The following CEP57L1 variants were observed in gnomAD, a reference collection of about 807,000 sequenced individuals.
The protein encoded by CEP57L1 is centrosomal protein CEP57L1.
Under a neutral mutation model 61.0 loss-of-function variants are expected in CEP57L1, and 37 were observed. That is an observed-to-expected ratio of 0.61 (90% CI 0.47 to 0.80). CEP57L1 has a LOEUF of 0.80. Ranked by LOEUF, CEP57L1 falls within the 30% of genes least tolerant of loss-of-function variation. The pLI is 0.00. For missense variants in CEP57L1, 422 were observed against 524.7 expected (o/e 0.80, Z 1.91); for synonymous variants, 137 against 162.3 (o/e 0.84, Z 1.19).
chr6:109,167,008 GA>G lies in CEP57L1; in HGVS notation c.*4039del, dbSNP rs1180882087. Among the ~76,000 whole-genome samples the G allele has an allele frequency of 6.6e-6, 1 of 152,176 alleles. No individual in the cohort carries two copies. Among genetic ancestry groups the G allele is most frequent in the Non-Finnish European group, 1.5e-5 (1 of 68,038 alleles). ...CACTAAGGCATAATAGCAACTGTGA[GA>G]TTTTTAAAAAACTATGCGTGCCATT... is the stretch of plus-strand genomic sequence containing the variant. On this transcript the variant is annotated 3_prime_UTR_variant, in exon 11 of 11. Transcript: ENST00000517392.
At chr6:109,151,539 A>G (rs1439829848) in intron 4 of CEP57L1, among the ~76,000 whole-genome samples, 1 of 152,120 alleles carries the variant, frequency 6.6e-6, no homozygotes, top group Non-Finnish European at 1.5e-5. Context: ...AACCCACAAT[A>G]CATTATTATT....
In CEP57L1 at chr6:109,146,743, A is replaced by AT; in HGVS notation, c.161-7dup. On this transcript the variant is annotated splice_polypyrimidine_tract_variant and intron_variant, in intron 2 of 10. Transcript: ENST00000517392. ...AACTTTCACTTAAAATATCAACAAAATTTTTTTTCAACAGCTCTTATTTTA... is the reference window on the plus strand; with the variant it reads ...AACTTTCACTTAAAATATCAACAAAATTTTTTTTTCAACAGCTCTTATTTTA... The AT allele has an allele frequency of 1.4e-5, 21 of 1,515,154 alleles. No homozygotes were observed. The highest frequency in any genetic ancestry group is 5.1e-5 in the South Asian group (4 of 78,430). The allele number at this position is 1,515,154 out of a possible 1,614,324, so 93.9% of individuals were successfully genotyped here.
chr6:109,160,469 ACT>A, intron 9 of CEP57L1, 101 bp from the exon 10 acceptor site: 1 of 891,636 alleles, frequency 1.1e-6, no homozygotes, highest in Non-Finnish European at 1.7e-6. Flanking sequence ...TTAATATTTA[ACT>A]CTGACTAAAA....
At position 109,168,962 on chromosome 6, in the gene CEP57L1, G is replaced by A. The variant is rs562314662; in HGVS notation, c.*5992G>A. Among the ~76,000 whole-genome samples the A allele has an allele frequency of 1.0e-3, 153 of 150,142 alleles. 1 individual carries two copies. Among genetic ancestry groups the A allele is most frequent in the African/African-American group, 3.6e-3 (147 of 40,852 alleles). ...AATGTGGCCAGGTGCGATGGCTCAC[G>A]CCTGTAAAATCTTAACACTTTAGGA... On this transcript the variant is annotated 3_prime_UTR_variant, in exon 11 of 11. Coordinates refer to ENST00000517392, the MANE Select transcript of CEP57L1 (RefSeq NM_001271852.3).
At chr6:109,117,602 G>GTGAC (rs1772453995) in intron 1 of CEP57L1, among the ~76,000 whole-genome samples, 1 of 152,200 alleles carries the variant, frequency 6.6e-6, no homozygotes, top group Admixed American at 6.5e-5. Context: ...CCCTGAGACT[G>GTGAC]TGACCTCTTC....
At chr6:109,113,081 C>T (rs1771860192) in intron 1 of CEP57L1, among the ~76,000 whole-genome samples, 1 of 152,022 alleles carries the variant, frequency 6.6e-6, no homozygotes, top group South Asian at 2.1e-4. Flanking sequence ...TTGTCTATCC[C>T]GTTGATCTGT....
chr6:109,106,768 A>G (rs973513642), intron 1 of CEP57L1, among the ~76,000 whole-genome samples: 6 of 152,040 alleles, frequency 3.9e-5, no homozygotes, highest in Non-Finnish European at 8.8e-5. Flanking sequence ...CCCTGTCTCT[A>G]CTAAAAATAC....
At chr6:109,108,298 T>G (rs1282582953) in intron 1 of CEP57L1, among the ~76,000 whole-genome samples, 1 of 151,708 alleles carries the variant, frequency 6.6e-6, no homozygotes, top group Non-Finnish European at 1.5e-5. Flanking sequence ...TGGAGTGCAG[T>G]GGCGCGATCT....
At chr6:109,141,081 C>T (rs1021408511) in intron 1 of CEP57L1, among the ~76,000 whole-genome samples, 2 of 152,120 alleles carry the variant, frequency 1.3e-5, no homozygotes, top group South Asian at 2.1e-4. Context: ...CCGCCCGCCT[C>T]GGCCTCCCAA....
chr6:109,140,181 C>G (rs1408940034), intron 1 of CEP57L1, among the ~76,000 whole-genome samples: 1 of 152,030 alleles, frequency 6.6e-6, no homozygotes, highest in African/African-American at 2.4e-5. Context: ...CAACCTCCGC[C>G]TTCCGGGTTC....
rs926110578 is a variant in CEP57L1 at position 109,162,971 on chromosome 6, C to A, written c.*1C>A. ...AGATGATATCATGTGGGAACAGTAA[C>A]AAAACAGCAAAACTGTCACCTTAAT... On this transcript the variant is annotated 3_prime_UTR_variant, in exon 11 of 11. Coordinates refer to ENST00000517392, the MANE Select transcript of CEP57L1 (RefSeq NM_001271852.3). 2 of 1,581,416 alleles carry A rather than the reference C, an allele frequency of 1.3e-6. No homozygotes were observed. Among genetic ancestry groups the A allele is most frequent in the Non-Finnish European group, 1.7e-6 (2 of 1,152,500 alleles).
intron 1 of CEP57L1, among the ~76,000 whole-genome samples, chr6:109,111,404 A>G (rs995861185): frequency 8.5e-5 from 13 of 152,322 alleles, no homozygotes; most frequent in African/African-American, 3.1e-4. Flanking sequence ...GTTGCTTATC[A>G]GCTTAAGGAG....
chr6:109,125,140 G>A (rs985072745), intron 1 of CEP57L1: 1 of 152,070 alleles, frequency 6.6e-6, no homozygotes, highest in African/African-American at 2.4e-5. Context: ...AGTATCACAC[G>A]GGGTCCCTAA....
Position 109,168,736 on chromosome 6 carries a change from T to C in CEP57L1, c.*5766T>C, listed in dbSNP as rs927871231. Among the ~76,000 whole-genome samples, 20 of 151,160 alleles carry C rather than the reference T, an allele frequency of 1.3e-4. No homozygotes were observed. The highest frequency in any genetic ancestry group is 1.8e-4 in the Non-Finnish European group (12 of 67,734). On this transcript the variant is annotated 3_prime_UTR_variant, in exon 11 of 11. Transcript: ENST00000517392. The stretch of plus-strand genomic sequence containing the variant: ...TCAGCCTCCCAAGTAGCTGGGATTA[T>C]AGGTGTGCACCACCATGCCCTGCTA...
chr6:109,174,114 A>AT lies in CEP57L1; in HGVS notation c.*11144_*11145insT, dbSNP rs1481681751. ...GTCTTGGTCTCAAAAAAAAAAAAAA[A>AT]CCTTGTGTTGGAAACCATCTCCAAT... On this transcript the variant is annotated 3_prime_UTR_variant, in exon 11 of 11. Coordinates refer to ENST00000517392, the MANE Select transcript of CEP57L1 (RefSeq NM_001271852.3). 1.3e-5 allele frequency among the ~76,000 whole-genome samples: 2 copies of AT among 151,578 alleles called. No individual in the cohort carries two copies. The highest frequency in any genetic ancestry group is 2.9e-5 in the Non-Finnish European group (2 of 67,886).
At chr6:109,158,863 C>A in intron 7 of CEP57L1, 162 bp from the exon 8 acceptor site, 1 of 651,106 alleles carries the variant, frequency 1.5e-6, no homozygotes, top group Non-Finnish European at 2.7e-6. Flanking sequence ...AATATCTTTT[C>A]GTATGTTTGT....
chr6:109,162,343 G>A (rs1328307836), intron 10 of CEP57L1, among the ~76,000 whole-genome samples: 1 of 151,918 alleles, frequency 6.6e-6, no homozygotes, highest in African/African-American at 2.4e-5. Flanking sequence ...TGTCCTCTCT[G>A]TTCTCTAGTT....
At chr6:109,116,772 G>C (rs1772358303) in intron 1 of CEP57L1, among the ~76,000 whole-genome samples, 1 of 152,124 alleles carries the variant, frequency 6.6e-6, no homozygotes. Context: ...TGTACCAGAA[G>C]CATTTAAAAC....
chr6:109,128,217 A>G (rs1773798166), intron 1 of CEP57L1, among the ~76,000 whole-genome samples: 1 of 152,150 alleles, frequency 6.6e-6, no homozygotes, highest in African/African-American at 2.4e-5. Flanking sequence ...TGACATGTCT[A>G]AAACAGAATT....
Sources: gnomAD v4.1 joint callset for allele counts (sites outside exome capture counted in the v4.1 genomes callset) on GRCh38, gnomAD v4.1.1 for gene constraint, MANE v1.5 for transcripts, NCBI Gene and HGNC (gene_info 2026-07-23, HGNC 2026-07-21) for gene names.